The following MBD5 variants were observed in gnomAD, a reference collection of about 807,000 sequenced individuals.
MBD5 encodes the protein methyl-CpG binding domain protein 5, also known as methyl-CpG-binding domain protein 5.
A neutral mutation model predicts 117.3 loss-of-function variants in MBD5; 13 were observed. That is an observed-to-expected ratio of 0.11 (90% CI 0.07 to 0.18). The LOEUF (loss-of-function observed/expected upper bound fraction) is 0.18, where lower values mean the gene tolerates loss of function less well. Ranked by LOEUF, MBD5 falls within the 10% of genes least tolerant of loss-of-function variation. The probability of loss-of-function intolerance (pLI) is 1.00; values close to 1 mark genes in which losing one functional copy is unlikely to be tolerated. For synonymous variants in MBD5, 727 were observed against 766.4 expected, an observed-to-expected ratio of 0.95 and a Z score of 0.85; for missense variants, 1,879 against 2,093.8, an observed-to-expected ratio of 0.90 and a Z score of 2.00.
At chr2:148,425,638 T>C (rs1442888386) in intron 4 of MBD5, among the ~76,000 whole-genome samples, 1 of 152,190 alleles carries the variant, frequency 6.6e-6, no homozygotes, top group Non-Finnish European at 1.5e-5. Context: ...AAATTCTCAG[T>C]AAAATACTGG....
intron 4 of MBD5, among the ~76,000 whole-genome samples, chr2:148,414,782 C>T (rs546863709): frequency 2.0e-5 from 3 of 152,174 alleles, no homozygotes; most frequent in African/African-American, 7.2e-5. Context: ...AGAGTAGCAA[C>T]CTCTGCTTTT....
At chr2:148,122,433 G>A (rs530265882) in intron 1 of MBD5, among the ~76,000 whole-genome samples, 1 of 152,156 alleles carries the variant, frequency 6.6e-6, no homozygotes, top group Non-Finnish European at 1.5e-5. Flanking sequence ...TTAATAGATG[G>A]ACTAGAGTTT....
At chr2:148,416,785 C>T (rs1705433401) in intron 4 of MBD5, among the ~76,000 whole-genome samples, 3 of 152,052 alleles carry the variant, frequency 2.0e-5, no homozygotes, top group Admixed American at 6.6e-5. Flanking sequence ...CCTCCCTCAT[C>T]TGAGTATCCA....
At chr2:148,334,670 T>C (rs1295260231) in intron 3 of MBD5, among the ~76,000 whole-genome samples, 3 of 152,096 alleles carry the variant, frequency 2.0e-5, no homozygotes, top group African/African-American at 4.8e-5. Flanking sequence ...AAGATAAAAT[T>C]ATATTTTAGT....
At chr2:148,446,973 A>C (rs894352052) in intron 4 of MBD5, among the ~76,000 whole-genome samples, 1 of 152,020 alleles carries the variant, frequency 6.6e-6, no homozygotes, top group Non-Finnish European at 1.5e-5. Context: ...GTAATTGTAC[A>C]ATTAGATTCC....
At chr2:148,069,472 T>C (rs1695295582) in intron 1 of MBD5, among the ~76,000 whole-genome samples, 1 of 152,112 alleles carries the variant, frequency 6.6e-6, no homozygotes, top group South Asian at 2.1e-4. Flanking sequence ...CAGCTCACAA[T>C]AAATGATCAT....
chr2:148,055,596 C>G (rs1486927658), intron 1 of MBD5: 1 of 152,070 alleles, frequency 6.6e-6, no homozygotes, highest in Non-Finnish European at 1.5e-5. Flanking sequence ...CCACGCTCGG[C>G]TAATTTTTTG....
chr2:148,458,848 T>A lies in MBD5; in HGVS notation c.90T>A (p.Asp30Glu). The A allele has an allele frequency of 6.2e-7, 1 of 1,612,968 alleles. No homozygotes were observed. Among genetic ancestry groups the A allele is most frequent in the East Asian group, 2.2e-5 (1 of 44,824 alleles). ...CTGTGGGTTGGCAGCGTCGTGTGGA[T>A]CAAAATGGAGTGCTTTATGTCAGGT... is the stretch of plus-strand genomic sequence containing the variant. ...QVPVGWQRRV[D>E]QNGVLYVSPS... is the part of the protein sequence containing the mutation. The change falls in exon 5 of 14, where the codon GAT (aspartate) becomes GAA (glutamate). Residue 30 changes from aspartate (D) to glutamate (E), a missense_variant. This residue lies in a region of MBD5 where 71 missense variants were observed against 129.2 expected (regional missense o/e 0.55). Coordinates refer to ENST00000642680, the MANE Select transcript of MBD5 (RefSeq NM_001378120.1).
intron 4 of MBD5, among the ~76,000 whole-genome samples, chr2:148,433,768 G>T (rs1341968681): frequency 1.3e-5 from 2 of 151,846 alleles, no homozygotes; most frequent in Admixed American, 6.6e-5. Flanking sequence ...TTTGTTGAGG[G>T]TTTTTGCATT....
intron 7 of MBD5, among the ~76,000 whole-genome samples, chr2:148,466,240 G>A (rs540168223): frequency 6.6e-6 from 1 of 152,160 alleles, no homozygotes; most frequent in African/African-American, 2.4e-5. Flanking sequence ...TATTCTTTTG[G>A]AAGGTACTGT....
At chr2:148,142,653 G>C (rs1341576669) in intron 1 of MBD5, among the ~76,000 whole-genome samples, 6 of 152,122 alleles carry the variant, frequency 3.9e-5, no homozygotes, top group Admixed American at 3.3e-4. Flanking sequence ...TCCTATCCAG[G>C]AAAGGGGCAA....
At chr2:148,258,679 G>T (rs1280727571) in intron 3 of MBD5, among the ~76,000 whole-genome samples, 2 of 152,212 alleles carry the variant, frequency 1.3e-5, no homozygotes, top group Admixed American at 1.3e-4. Flanking sequence ...TGGAATTGCT[G>T]CTCCAGAGAC....
At chr2:148,482,988 A>G in intron 8 of MBD5, 122 bp from the exon 9 acceptor site, 3 of 1,065,976 alleles carry the variant, frequency 2.8e-6, no homozygotes, top group Non-Finnish European at 4.1e-6. Flanking sequence ...ATCTAGTTAC[A>G]ATCAATGAAG....
intron 1 of MBD5, among the ~76,000 whole-genome samples, chr2:148,162,273 C>G (rs1290815176): frequency 6.6e-6 from 1 of 152,134 alleles, no homozygotes; most frequent in Non-Finnish European, 1.5e-5. Flanking sequence ...AGCTGCCTTC[C>G]CTTCTGTTAT....
At position 148,060,228 on chromosome 2, in the gene MBD5, G is replaced by A. The variant is rs1272222606; in HGVS notation, c.-925+38544G>A. 2.1e-5 allele frequency among the ~76,000 whole-genome samples: 3 copies of A among 140,976 alleles called. No homozygotes were observed. The East Asian group carries it at 6.6e-4, about 31-fold the overall frequency. 92.5% of individuals were successfully genotyped at this position (140,976 alleles called of 152,430 possible). On this transcript the variant is annotated intron_variant, in intron 1 of 13. Transcript: ENST00000642680. Reference sequence around the variant, plus strand: ...GGAGGCCATGGTGGGAGGATTGCTTGAACCTGTGAGGTCAAGGCTGCGATG... The same window carrying A: ...GGAGGCCATGGTGGGAGGATTGCTTAAACCTGTGAGGTCAAGGCTGCGATG...
chr2:148,456,377 A>G (rs372649294), intron 4 of MBD5, among the ~76,000 whole-genome samples: 5 of 152,092 alleles, frequency 3.3e-5, no homozygotes, highest in African/African-American at 1.2e-4. Context: ...TGACCTAATC[A>G]TCTCCCAAAG....
At chr2:148,352,783 A>G (rs1703277516) in intron 4 of MBD5, among the ~76,000 whole-genome samples, 1 of 152,140 alleles carries the variant, frequency 6.6e-6, no homozygotes, top group African/African-American at 2.4e-5. Context: ...TTCAGATTTC[A>G]GATTTTTGGA....
At chr2:148,495,628 T>G (rs1681676936) in intron 11 of MBD5, among the ~76,000 whole-genome samples, 1 of 152,102 alleles carries the variant, frequency 6.6e-6, no homozygotes, top group Non-Finnish European at 1.5e-5. Context: ...CAAAAAAAGG[T>G]CTACATCTCT....
chr2:148,153,337 G>A (rs1206771054), intron 1 of MBD5, among the ~76,000 whole-genome samples: 1 of 152,006 alleles, frequency 6.6e-6, no homozygotes, highest in Non-Finnish European at 1.5e-5. Context: ...TTCCCTTTGA[G>A]GGAAAACTGA....
Sources: allele counts gnomAD v4.1 joint callset (sites outside exome capture counted in the v4.1 genomes callset), GRCh38; gene constraint gnomAD v4.1.1; regional missense constraint gnomAD v4.1.1; transcripts MANE v1.5; gene names NCBI Gene and HGNC (gene_info 2026-07-23, HGNC 2026-07-21).